The following GPR158 variants were observed in gnomAD, a reference collection of about 807,000 sequenced individuals.
GPR158 encodes metabotropic glycine receptor.
A neutral mutation model predicts 78.2 loss-of-function variants in GPR158; 30 were observed. That is an observed-to-expected ratio of 0.38 (90% CI 0.29 to 0.52). The LOEUF (loss-of-function observed/expected upper bound fraction) is 0.52, where lower values mean the gene tolerates loss of function less well. GPR158 is among the 20% of genes least tolerant of loss of function. The pLI is 0.83. For synonymous variants in GPR158, 581 were observed against 591.1 expected, an observed-to-expected ratio of 0.98 and a Z score of 0.25; for missense variants, 1,463 against 1,523.5, an observed-to-expected ratio of 0.96 and a Z score of 0.66.
chr10:25,445,223 G>A (rs1450787416), intron 4 of GPR158, among the ~76,000 whole-genome samples: 3 of 152,088 alleles, frequency 2.0e-5, no homozygotes, highest in African/African-American at 7.2e-5. Flanking sequence ...GGAAAAATTA[G>A]GAACGTCTTC....
At chr10:25,256,423 A>G (rs1853888542) in intron 2 of GPR158, among the ~76,000 whole-genome samples, 1 of 152,152 alleles carries the variant, frequency 6.6e-6, no homozygotes, top group Non-Finnish European at 1.5e-5. Context: ...AGGCTGAGGT[A>G]GGAAGATCAC....
intron 6 of GPR158, among the ~76,000 whole-genome samples, chr10:25,552,671 A>G (rs1311269650): frequency 1.3e-5 from 2 of 152,230 alleles, no homozygotes. Flanking sequence ...AGATGAGTGA[A>G]TGAATGAAAA....
chr10:25,541,781 C>T (rs570630689), intron 5 of GPR158, among the ~76,000 whole-genome samples: 1 of 151,726 alleles, frequency 6.6e-6, no homozygotes, highest in Non-Finnish European at 1.5e-5. Flanking sequence ...ACTAGTATGA[C>T]CTTTGTGGAG....
At chr10:25,503,443 G>A (rs1317540800) in intron 5 of GPR158, among the ~76,000 whole-genome samples, 3 of 152,102 alleles carry the variant, frequency 2.0e-5, no homozygotes, top group Non-Finnish European at 4.4e-5. Flanking sequence ...TGGACATATT[G>A]CCCTTTGCCT....
intron 4 of GPR158, among the ~76,000 whole-genome samples, chr10:25,424,627 T>C (rs1440638461): frequency 1.3e-5 from 2 of 151,848 alleles, no homozygotes; most frequent in Non-Finnish European, 2.9e-5. Context: ...CCAGCACCTT[T>C]TATTAAATAG....
At position 25,216,579 on chromosome 10, in the gene GPR158, A is replaced by T. The variant is rs190665067; in HGVS notation, c.903-4473A>T. Among the ~76,000 whole-genome samples, 4 of 152,306 alleles carry T rather than the reference A, an allele frequency of 2.6e-5. No individual in the cohort carries two copies. In the East Asian group the frequency reaches 5.8e-4, roughly 22 times the overall value. ...GATTTAGGAGCTAAGGAAAAATATT[A>T]AAAAAGATATAGACCATGGAAATTT... On this transcript the variant is annotated intron_variant, in intron 1 of 10. Coordinates refer to ENST00000376351, the MANE Select transcript of GPR158 (RefSeq NM_020752.3).
Position 25,395,928 on chromosome 10 carries a change from C to G in GPR158, c.1026C>G (p.Gly342=). 1 of 1,590,644 alleles carries G rather than the reference C, an allele frequency of 6.3e-7. No individual in the cohort carries two copies. Among genetic ancestry groups the G allele is most frequent in the Non-Finnish European group, 8.6e-7 (1 of 1,158,800 alleles). The change falls in exon 3 of 11, where the codon GGC becomes GGG. Residue 342 remains glycine (G), a synonymous_variant. Transcript: ENST00000376351. The stretch of plus-strand genomic sequence containing the variant: ...CTTCATAGTGTATGCCAATTAAAGG[C>G]CTAGGATTCGTTCTTGGAGCCTATG... The part of the protein sequence containing the change: ...LNNSECMPIK[G]LGFVLGAYEC...
At chr10:25,296,074 A>G (rs1854509349) in intron 2 of GPR158, among the ~76,000 whole-genome samples, 1 of 147,040 alleles carries the variant, frequency 6.8e-6, no homozygotes, top group African/African-American at 2.5e-5. Context: ...AAAAAACCTA[A>G]GCAAGGATGT....
At chr10:25,325,621 A>G (rs754487699) in intron 2 of GPR158, among the ~76,000 whole-genome samples, 2 of 152,178 alleles carry the variant, frequency 1.3e-5, no homozygotes, top group Non-Finnish European at 2.9e-5. Flanking sequence ...TTCTTTGGCT[A>G]TATCCCAGAA....
At chr10:25,390,029 C>T (rs1462053017) in intron 2 of GPR158, among the ~76,000 whole-genome samples, 2 of 152,166 alleles carry the variant, frequency 1.3e-5, no homozygotes, top group East Asian at 1.9e-4. Context: ...AGGGCAGTTC[C>T]TCTTCGCATG....
chr10:25,484,484 T>TGTTC (rs1835706123), intron 5 of GPR158, among the ~76,000 whole-genome samples: 1 of 152,126 alleles, frequency 6.6e-6, no homozygotes, highest in South Asian at 2.1e-4. Flanking sequence ...AATGACACAA[T>TGTTC]TTGGCAGTAG....
At chr10:25,566,654 A>G (rs987052410) in intron 6 of GPR158, among the ~76,000 whole-genome samples, 2 of 152,218 alleles carry the variant, frequency 1.3e-5, no homozygotes, top group African/African-American at 4.8e-5. Context: ...CCAGTTGTGA[A>G]TTTTCTTTCT....
intron 2 of GPR158, among the ~76,000 whole-genome samples, chr10:25,266,874 A>T (rs1315076601): frequency 1.3e-5 from 2 of 152,178 alleles, no homozygotes; most frequent in African/African-American, 2.4e-5. Flanking sequence ...GAAAATTTTA[A>T]TCTGTTATCT....
At chr10:25,429,888 A>T in intron 4 of GPR158, among the ~76,000 whole-genome samples, 1 of 139,700 alleles carries the variant, frequency 7.2e-6, no homozygotes, top group Non-Finnish European at 1.5e-5. Context: ...TCTATGACAA[A>T]CCCACAGCCA....
chr10:25,481,455 G>C (rs564568860), intron 5 of GPR158, among the ~76,000 whole-genome samples: 1 of 152,188 alleles, frequency 6.6e-6, no homozygotes, highest in African/African-American at 2.4e-5. Flanking sequence ...AACTAGGAGA[G>C]GTCAGGGAGC....
At chr10:25,496,293 C>T (rs781334484) in intron 5 of GPR158, among the ~76,000 whole-genome samples, 4 of 152,088 alleles carry the variant, frequency 2.6e-5, no homozygotes, top group Non-Finnish European at 4.4e-5. Context: ...TACTTCTGCA[C>T]GTCGACTATA....
intron 5 of GPR158, among the ~76,000 whole-genome samples, chr10:25,494,585 C>T (rs1275260911): frequency 4.6e-5 from 7 of 152,098 alleles, no homozygotes. Context: ...TTATAACAAT[C>T]GTGTAGTAGT....
intron 2 of GPR158, among the ~76,000 whole-genome samples, chr10:25,318,887 G>A (rs1854902943): frequency 6.6e-6 from 1 of 152,186 alleles, no homozygotes; most frequent in Non-Finnish European, 1.5e-5. Context: ...GTGGAACACA[G>A]GAGATTGTGT....
intron 6 of GPR158, among the ~76,000 whole-genome samples, chr10:25,556,876 C>G (rs1033514451): frequency 6.6e-6 from 1 of 150,988 alleles, no homozygotes; most frequent in Non-Finnish European, 1.5e-5. Flanking sequence ...AGAACTAACT[C>G]TCATACTAGC....
Sources: gnomAD v4.1 joint callset for allele counts (sites outside exome capture counted in the v4.1 genomes callset) on GRCh38, gnomAD v4.1.1 for gene constraint, MANE v1.5 for transcripts, NCBI Gene and HGNC (gene_info 2026-07-23, HGNC 2026-07-21) for gene names.